Variants in NOLC1 observed in about 807,000 individuals in gnomAD.
The protein encoded by NOLC1 is nucleolar and coiled-body phosphoprotein 1.
NOLC1 carries 37 observed loss-of-function variants against 73.4 expected under a neutral mutation model. That is an observed-to-expected ratio of 0.50 (90% CI 0.39 to 0.66). The LOEUF is 0.66. Ranked by LOEUF, NOLC1 falls within the 30% of genes least tolerant of loss-of-function variation. NOLC1 has a pLI of 0.00. For missense variants in NOLC1, 921 were observed against 838.9 expected (o/e 1.10, Z -1.21); for synonymous variants, 327 against 302.6 (o/e 1.08, Z -0.84).
In NOLC1 at chr10:102,160,977, A is replaced by G. The variant is rs374440873; in HGVS notation, c.1625A>G (p.Gln542Arg). ...AAGGGCAAGGGCTCTCCAAGACCAC[A>G]AGCCCCCAAGGCCAATGGCACCTCT... ...KLKGKGSPRP[Q>R]APKANGTSAL... Residue 542 changes from glutamine to arginine, a missense_variant, in exon 10 of 13, where the codon CAA becomes CGA. By Grantham distance (43) the Gln-to-Arg change is conservative. Coordinates refer to ENST00000605788, the MANE Select transcript of NOLC1 (RefSeq NM_004741.5). 1.2e-5 allele frequency: 20 copies of G among 1,614,028 alleles called. No individual in the cohort carries two copies. The African/African-American group carries it at 2.1e-4, about 17-fold the overall frequency.
intron 1 of NOLC1, among the ~76,000 whole-genome samples, chr10:102,156,274 C>CT (rs1037496819): frequency 1.3e-4 from 20 of 151,660 alleles, no homozygotes; most frequent in East Asian, 3.9e-4. Context: ...AAGAGAGAGC[C>CT]TTTTTTTTGG....
intron 6 of NOLC1, 42 bp downstream of exon 6, chr10:102,159,350 G>A: frequency 6.2e-7 from 1 of 1,613,836 alleles, no homozygotes; most frequent in South Asian, 1.1e-5. Context: ...TGACCAGGGT[G>A]TGATGTGTGT....
chr10:102,159,251 C>CAGCAGCAGT lies in NOLC1; in HGVS notation c.672_680dup (p.Ser225_Ser227dup). On this transcript the variant is annotated inframe_insertion, in exon 6 of 13. Transcript: ENST00000605788. ...CAGCCAGTAGCAGCAGTAGCAGCAG[C>CAGCAGCAGT]AGCAGCAGTAGCAGTGATGACTCAG... 3.7e-6 allele frequency: 6 copies of CAGCAGCAGT among 1,613,770 alleles called. No homozygotes were observed. The highest frequency in any genetic ancestry group is 4.2e-6 in the Non-Finnish European group (5 of 1,179,800).
chr10:102,160,114 T>A, intron 8 of NOLC1, 90 bp downstream of exon 8: 1 of 1,587,240 alleles, frequency 6.3e-7, no homozygotes, highest in East Asian at 2.2e-5. Flanking sequence ...ATCCTTCGGT[T>A]GCTTTTTGCT....
In NOLC1 at chr10:102,160,729, C is replaced by T. The variant is rs779895971; in HGVS notation, c.1377C>T (p.Ala459=). 5 of 1,614,098 alleles carry T rather than the reference C, an allele frequency of 3.1e-6. No individual in the cohort carries two copies. Among genetic ancestry groups the T allele is most frequent in the Non-Finnish European group, 4.2e-6 (5 of 1,179,966 alleles). Residue 459 remains alanine (A), a synonymous_variant, in exon 10 of 13, where the codon GCC becomes GCT. Coordinates refer to ENST00000605788, the MANE Select transcript of NOLC1 (RefSeq NM_004741.5). ...CCAAAGCAGCTCTATCTCTGCCTGC[C>T]AAGCAGGCTCCTCAGGGTAGTAGGG... ...ATAKAALSLP[A]KQAPQGSRDS... is the part of the protein sequence containing the mutation.
Position 102,160,517 on chromosome 10 carries a change from A to G in NOLC1, c.1165A>G (p.Asn389Asp). ...KPAGTTKNSS[N>D]KPAVTTKSPA... ...AGCTGGTACCACCAAGAATTCTTCA[A>G]ATAAGCCAGCTGTCACCACCAAGTC... is the stretch of plus-strand genomic sequence containing the variant. Residue 389 changes from asparagine (N) to aspartate (D), a missense_variant, in exon 10 of 13, where the codon AAT becomes GAT. Physicochemically the swap from Asn to Asp is conservative, Grantham distance 23. Transcript: ENST00000605788. 1 of 1,614,224 alleles carries G rather than the reference A, an allele frequency of 6.2e-7. No homozygotes were observed. The highest frequency in any genetic ancestry group is 1.3e-5 in the African/African-American group (1 of 75,058).
Position 102,163,492 on chromosome 10 carries a change from A to C in NOLC1, c.*1223A>C, listed in dbSNP as rs1425582578. The C allele has an allele frequency of 6.6e-6, 1 of 152,212 alleles. No individual in the cohort carries two copies. The highest frequency in any genetic ancestry group is 1.5e-5 in the Non-Finnish European group (1 of 68,032). 9.4% of individuals were successfully genotyped at this position (152,212 alleles called of 1,614,324 possible). On this transcript the variant is annotated 3_prime_UTR_variant, in exon 13 of 13. Transcript: ENST00000605788. ...TTAACTGTTAGTAGCAGTGGCTGTA[A>C]CAACACAAACCAGTGACCAGAGATA...
At chr10:102,159,092 A>G in intron 5 of NOLC1, 101 bp from the exon 6 acceptor site, 1 of 970,268 alleles carries the variant, frequency 1.0e-6, no homozygotes, top group Non-Finnish European at 1.5e-6. Flanking sequence ...AAAAAAAAAA[A>G]AATGGTGGAC....
Position 102,157,004 on chromosome 10 carries a change from C to A in NOLC1, c.121-15C>A. The A allele has an allele frequency of 1.9e-6, 3 of 1,613,724 alleles. No individual in the cohort carries two copies. In the Middle Eastern group the frequency reaches 5.0e-4, roughly 267 times the overall value. ...GATAAAATAATTTCCTTACCCAGCT[C>A]TTTTTCTTCTACAGACACAGCAGGA... On this transcript the variant is annotated splice_polypyrimidine_tract_variant and intron_variant, in intron 1 of 12. Transcript: ENST00000605788.
At chr10:102,153,263 C>T (rs2069536225) in intron 1 of NOLC1, among the ~76,000 whole-genome samples, 1 of 152,176 alleles carries the variant, frequency 6.6e-6, no homozygotes, top group Non-Finnish European at 1.5e-5. Context: ...GTAAGAGTAG[C>T]AATCTCAGTG....
intron 10 of NOLC1, 40 bp downstream of exon 10, chr10:102,161,133 C>A (rs758953245): frequency 1.3e-6 from 2 of 1,550,688 alleles, no homozygotes; most frequent in East Asian, 2.2e-5. Flanking sequence ...TTTTGTCCCC[C>A]CAAATCAGGA....
intron 1 of NOLC1, among the ~76,000 whole-genome samples, chr10:102,154,858 GTGTT>G (rs576066944): frequency 0.012 from 1,805 of 151,770 alleles, 41 homozygotes; most frequent in Non-Finnish European, 0.013. Flanking sequence ...GTATTGTTTT[GTGTT>G]TGTTTGTTTC....
In NOLC1 at chr10:102,162,148, A is replaced by G. The variant is rs1201162609; in HGVS notation, c.1979A>G (p.Gln660Arg). Residue 660 changes from glutamine (Q) to arginine (R), a missense_variant, in exon 13 of 13, where the codon CAG (glutamine) becomes CGG (arginine). Physicochemically the swap from Gln to Arg is conservative, Grantham distance 43. Coordinates refer to ENST00000605788, the MANE Select transcript of NOLC1 (RefSeq NM_004741.5). Reference sequence around the variant, plus strand: ...GGAGACTGGGGAGAGCGAGCCAATCAGGTTTTGAAGTTCACCAAAGGCAAG... The same window carrying G: ...GGAGACTGGGGAGAGCGAGCCAATCGGGTTTTGAAGTTCACCAAAGGCAAG... ...AAGDWGERAN[Q>R]VLKFTKGKSF... 1.2e-6 allele frequency: 2 copies of G among 1,614,160 alleles called. No individual in the cohort carries two copies. Among genetic ancestry groups the G allele is most frequent in the Non-Finnish European group, 8.5e-7 (1 of 1,180,036 alleles).
In NOLC1 at chr10:102,162,849, TG is replaced by T. The variant is rs2069736621; in HGVS notation, c.*581del. The stretch of plus-strand genomic sequence containing the variant: ...CATCCTCATTTATTGGGTCTGGGAC[TG>T]AAGTTTTTAGCCAGCATGGACCTAA... On this transcript the variant is annotated 3_prime_UTR_variant, in exon 13 of 13. Coordinates refer to ENST00000605788, the MANE Select transcript of NOLC1 (RefSeq NM_004741.5). 1 of 152,264 alleles carries T rather than the reference TG, an allele frequency of 6.6e-6. No homozygotes were observed. Among genetic ancestry groups the T allele is most frequent in the Non-Finnish European group, 1.5e-5 (1 of 68,056 alleles). The allele number at this position is 152,264 out of a possible 1,614,324, so 9.4% of individuals were successfully genotyped here. A position where few individuals can be genotyped will look rare whatever the true frequency, so the allele number is the denominator to read the frequency against.
intron 1 of NOLC1, among the ~76,000 whole-genome samples, chr10:102,155,274 C>G (rs2069576497): frequency 6.6e-6 from 1 of 151,952 alleles, no homozygotes; most frequent in African/African-American, 2.4e-5. Flanking sequence ...ATCCACCCGC[C>G]TCAGCCTCAC....
At chr10:102,155,022 A>ATTTTTTTTTTTTTT (rs34034390) in intron 1 of NOLC1, among the ~76,000 whole-genome samples, 68 of 131,216 alleles carry the variant, frequency 5.2e-4, no homozygotes, top group African/African-American at 1.8e-3. Context: ...CACCTGGCTA[A>ATTTTTTTTTTTTTT]TTTTTTTTTT....
Position 102,154,379 on chromosome 10 carries a change from G to A in NOLC1, c.120+1849G>A, listed in dbSNP as rs148910219. 1.9e-3 allele frequency among the ~76,000 whole-genome samples: 286 copies of A among 151,734 alleles called. 5 individuals carry two copies. The East Asian group carries it at 0.045, about 24-fold the overall frequency. The stretch of plus-strand genomic sequence containing the variant: ...ATTACAGGTGTGAGCCACCGCACCC[G>A]GCCAACATGCATTATGTCTTATCCT... On this transcript the variant is annotated intron_variant, in intron 1 of 12. Transcript: ENST00000605788.
chr10:102,155,421 C>G (rs1268715431), intron 1 of NOLC1, among the ~76,000 whole-genome samples: 4 of 151,348 alleles, frequency 2.6e-5, no homozygotes, highest in Non-Finnish European at 5.9e-5. Flanking sequence ...GGAGGTCTCA[C>G]TGTCTTGCCC....
Position 102,161,503 on chromosome 10 carries a change from G to C in NOLC1, c.1742-53G>C, listed in dbSNP as rs942185724. 1.4e-5 allele frequency: 19 copies of C among 1,369,974 alleles called. No homozygotes were observed. The African/African-American group carries it at 1.7e-4, about 12-fold the overall frequency. 84.9% of individuals were successfully genotyped at this position (1,369,974 alleles called of 1,614,324 possible). ...TACCTTGGACTCCCAAAATGCTGGG[G>C]TTACAGTTGTGAGCCACTGTACTCG... On this transcript the variant is annotated intron_variant, in intron 10 of 12. Coordinates refer to ENST00000605788, the MANE Select transcript of NOLC1 (RefSeq NM_004741.5).
Sources: gnomAD v4.1 joint callset for allele counts (sites outside exome capture counted in the v4.1 genomes callset) on GRCh38, gnomAD v4.1.1 for gene constraint, MANE v1.5 for transcripts, NCBI Gene and HGNC (gene_info 2026-07-23, HGNC 2026-07-21) for gene names.